The following AKAP12 variants were observed in gnomAD, a reference collection of about 807,000 sequenced individuals.
The protein encoded by AKAP12 is A-kinase anchoring protein 12, also known as A-kinase anchor protein 12.
A neutral mutation model predicts 79.9 loss-of-function variants in AKAP12; 32 were observed. That is an observed-to-expected ratio of 0.40 (90% CI 0.30 to 0.54). AKAP12 has a LOEUF of 0.54. AKAP12 is among the 20% of genes least tolerant of loss of function. AKAP12 has a pLI of 0.48. For synonymous variants in AKAP12, 808 were observed against 857.0 expected (o/e 0.94, Z 1.00); for missense variants, 2,074 against 2,177.0 (o/e 0.95, Z 0.94).
chr6:151,259,426 ATGTG>A (rs1348102697), intron 2 of AKAP12, among the ~76,000 whole-genome samples: 1 of 146,286 alleles, frequency 6.8e-6, no homozygotes, highest in Non-Finnish European at 1.5e-5. Flanking sequence ...GTATATATAT[ATGTG>A]TGTGTATATA....
intron 2 of AKAP12, among the ~76,000 whole-genome samples, chr6:151,301,079 A>T (rs7756252): frequency 6.6e-6 from 1 of 152,206 alleles, no homozygotes; most frequent in East Asian, 1.9e-4. Flanking sequence ...AAGTCCCAGT[A>T]TTACTTTCCT....
At chr6:151,254,595 C>A (rs1332178123) in intron 2 of AKAP12, among the ~76,000 whole-genome samples, 1 of 152,158 alleles carries the variant, frequency 6.6e-6, no homozygotes, top group African/African-American at 2.4e-5. Flanking sequence ...CCCACCTCGG[C>A]CTTCCAAAGT....
rs550699990 is a variant in AKAP12, at chr6:151,274,293, G to A, written c.163-31454G>A. The stretch of plus-strand genomic sequence containing the variant: ...TGGGTTCTACCATTTTGCCCATGCT[G>A]GTCTGGAACTCCTGGGCTCAAGCAA... On this transcript the variant is annotated intron_variant, in intron 2 of 4. Transcript: ENST00000402676. Among the ~76,000 whole-genome samples, 27 of 152,150 alleles carry A rather than the reference G, an allele frequency of 1.8e-4. No individual in the cohort carries two copies. The South Asian group carries it at 3.5e-3, about 20-fold the overall frequency.
chr6:151,328,327 C>CAAAAA (rs10686442), intron 3 of AKAP12, among the ~76,000 whole-genome samples: 1 of 105,162 alleles, frequency 9.5e-6, no homozygotes, highest in African/African-American at 3.5e-5. Context: ...GACTCCATCT[C>CAAAAA]AAAAAAAAAA....
chr6:151,247,962 A>G (rs966829519), intron 2 of AKAP12, among the ~76,000 whole-genome samples: 1 of 152,020 alleles, frequency 6.6e-6, no homozygotes, highest in Non-Finnish European at 1.5e-5. Flanking sequence ...AATGGGGGAA[A>G]CCCTGTAGTT....
intron 3 of AKAP12, among the ~76,000 whole-genome samples, chr6:151,311,930 C>G (rs544799583): frequency 6.6e-6 from 1 of 152,296 alleles, no homozygotes; most frequent in Admixed American, 6.5e-5. Flanking sequence ...CTCTGAGCCT[C>G]TTCAAAGATG....
intron 4 of AKAP12, 98 bp downstream of exon 4, chr6:151,353,850 G>T: frequency 1.3e-6 from 1 of 750,072 alleles, no homozygotes; most frequent in Non-Finnish European, 2.1e-6. Context: ...TAATGCCTTC[G>T]TGTAGAACCT....
In AKAP12 at chr6:151,357,939, C is replaced by T. The variant is rs898161569; in HGVS notation, c.*2225C>T. On this transcript the variant is annotated 3_prime_UTR_variant, in exon 5 of 5. Transcript: ENST00000402676. ...TAAATTCCACCCGCGTTTGTCTTTT[C>T]CTACCACCTGTGGCCAGGTGCTCGC... 1 of 152,098 alleles carries T rather than the reference C, an allele frequency of 6.6e-6. No individual in the cohort carries two copies. The highest frequency in any genetic ancestry group is 2.4e-5 in the African/African-American group (1 of 41,412). 9.4% of individuals were successfully genotyped at this position (152,098 alleles called of 1,614,324 possible). A position where few individuals can be genotyped will look rare whatever the true frequency, so the allele number is the denominator to read the frequency against.
rs2114830193 is a variant in AKAP12, at chr6:151,352,102, A to G, written c.3711A>G (p.Ser1237=). 2 of 1,614,172 alleles carry G rather than the reference A, an allele frequency of 1.2e-6. No individual in the cohort carries two copies. Among genetic ancestry groups the G allele is most frequent in the East Asian group, 2.2e-5 (1 of 44,882 alleles). The change falls in exon 4 of 5, where the codon TCA becomes TCG. Residue 1237 remains serine, a synonymous_variant. Transcript: ENST00000402676. ...FVFQEETKEQ[S]KMEDTLEHTD... is the part of the protein sequence containing the mutation. ...TCCAGGAAGAAACTAAAGAACAATC[A>G]AAGATGGAAGACACTCTAGAGCATA...
Position 151,240,741 on chromosome 6 carries a change from C to G in AKAP12, c.162+17C>G. ...GCCACCAAGGTACGGGCGTGCCGGG[C>G]CACCTGCGCCGGGAGGCGCGGGTCT... On this transcript the variant is annotated intron_variant, in intron 2 of 4. Transcript: ENST00000402676. 1 of 1,242,548 alleles carries G rather than the reference C, an allele frequency of 8.0e-7. No homozygotes were observed. The highest frequency in any genetic ancestry group is 1.0e-6 in the Non-Finnish European group (1 of 995,488). 77.0% of individuals were successfully genotyped at this position (1,242,548 alleles called of 1,614,324 possible).
intron 3 of AKAP12, among the ~76,000 whole-genome samples, chr6:151,328,049 C>T (rs764644621): frequency 2.0e-5 from 3 of 152,210 alleles, no homozygotes; most frequent in Admixed American, 6.5e-5. Context: ...CAGTAACAAC[C>T]GGGCGCGGTG....
chr6:151,286,539 G>T (rs1204830560), intron 2 of AKAP12, among the ~76,000 whole-genome samples: 1 of 152,212 alleles, frequency 6.6e-6, no homozygotes, highest in East Asian at 1.9e-4. Flanking sequence ...TCCCTTTCTA[G>T]TCACTCACAT....
Position 151,353,341 on chromosome 6 carries a change from T to C in AKAP12, c.4950T>C (p.Thr1650=), listed in dbSNP as rs1778352067. 6.2e-7 allele frequency: 1 copy of C among 1,614,208 alleles called. No individual in the cohort carries two copies. Among genetic ancestry groups the C allele is most frequent in the African/African-American group, 1.3e-5 (1 of 75,058 alleles). Residue 1650 remains threonine (T), a synonymous_variant, in exon 4 of 5, where the codon ACT becomes ACC. Transcript: ENST00000402676. ...KTMTVEVEGS[T]VNDQQLEEVV... ...TGACTGTTGAGGTAGAAGGTTCCAC[T>C]GTAAATGATCAGCAGCTGGAAGAGG...
Position 151,240,071 on chromosome 6 carries a change from T to G in AKAP12, c.-180+12T>G. 6.5e-6 allele frequency: 1 copy of G among 153,032 alleles called. No individual in the cohort carries two copies. The highest frequency in any genetic ancestry group is 1.5e-5 in the Non-Finnish European group (1 of 68,574). 9.5% of individuals were successfully genotyped at this position (153,032 alleles called of 1,614,324 possible). On this transcript the variant is annotated intron_variant, in intron 1 of 4. Coordinates refer to ENST00000402676, the MANE Select transcript of AKAP12 (RefSeq NM_005100.4). ...AGCTCCTGCCTTGGGTGATCCATCA[T>G]TTAATAAACCCCAGAGAATCCAGTG...
intron 2 of AKAP12, among the ~76,000 whole-genome samples, chr6:151,242,310 ATTTG>A (rs1168212747): frequency 6.6e-6 from 1 of 150,742 alleles, no homozygotes; most frequent in African/African-American, 2.4e-5. Context: ...GTAAACTTGA[ATTTG>A]TTTATTTAAA....
At chr6:151,328,652 A>C (rs1777595799) in intron 3 of AKAP12, among the ~76,000 whole-genome samples, 1 of 151,346 alleles carries the variant, frequency 6.6e-6, no homozygotes. Flanking sequence ...AAAAAAAAAA[A>C]ATTAAATTGA....
chr6:151,269,779 G>A (rs1282117397), intron 2 of AKAP12, among the ~76,000 whole-genome samples: 1 of 152,134 alleles, frequency 6.6e-6, no homozygotes, highest in Non-Finnish European at 1.5e-5. Context: ...GTACAACTCA[G>A]TGGTTTTTAG....
rs115852698 is a variant in AKAP12, at chr6:151,240,033, C to T, written c.-206C>T. The stretch of plus-strand genomic sequence containing the variant: ...ACTCGCTCCTGGGCGAGCTGAAAGT[C>T]GGCTGCAGCAGAAGCTCCTGCCTTG... On this transcript the variant is annotated 5_prime_UTR_variant, in exon 1 of 5. Transcript: ENST00000402676. 7.0e-3 allele frequency: 1,067 copies of T among 152,596 alleles called. 9 individuals carry two copies. Among genetic ancestry groups the T allele is most frequent in the African/African-American group, 0.024 (1,008 of 41,598 alleles). The allele number at this position is 152,596 out of a possible 1,614,324, so 9.5% of individuals were successfully genotyped here.
intron 3 of AKAP12, among the ~76,000 whole-genome samples, chr6:151,316,874 G>C (rs976837153): frequency 2.6e-5 from 4 of 152,278 alleles, no homozygotes; most frequent in East Asian, 1.9e-4. Context: ...CTGACCTCAA[G>C]TGATCAGCCC....
Sources: allele counts gnomAD v4.1 joint callset (sites outside exome capture counted in the v4.1 genomes callset), GRCh38; gene constraint gnomAD v4.1.1; transcripts MANE v1.5; gene names NCBI Gene and HGNC (gene_info 2026-07-23, HGNC 2026-07-21).